Variants in SLC7A2 observed in about 807,000 individuals in gnomAD.
SLC7A2 encodes the protein solute carrier family 7 member 2.
In SLC7A2, 48 loss-of-function variants were observed where a neutral mutation model predicts 58.9. The observed-to-expected ratio is 0.82, with a 90% confidence interval of 0.65 to 1.04. SLC7A2 has a LOEUF of 1.04. SLC7A2 is among the 50% of genes least tolerant of loss of function. The pLI is 0.00. For synonymous variants in SLC7A2, 363 were observed against 314.5 expected (o/e 1.15, Z -1.63); for missense variants, 1,029 against 818.8 (o/e 1.26, Z -3.13).
chr8:17,513,967 C>T (rs1040426893), intron 2 of SLC7A2, among the ~76,000 whole-genome samples: 1 of 152,136 alleles, frequency 6.6e-6, no homozygotes, highest in African/African-American at 2.4e-5. Context: ...ATTCTATATT[C>T]ATGTGTATAA....
chr8:17,501,104 C>T (rs1333098614), intron 1 of SLC7A2, among the ~76,000 whole-genome samples: 6 of 151,964 alleles, frequency 3.9e-5, no homozygotes, highest in Middle Eastern at 6.8e-3. Context: ...ACTTTCACCT[C>T]GTGGGTTCAA....
At chr8:17,548,327 C>T (rs547858958) in intron 4 of SLC7A2, among the ~76,000 whole-genome samples, 7 of 152,092 alleles carry the variant, frequency 4.6e-5, no homozygotes, top group Admixed American at 3.9e-4. Flanking sequence ...GGAAACAGAG[C>T]GAGACTCTGT....
Position 17,554,646 on chromosome 8 carries a change from A to G in SLC7A2, c.1142A>G (p.Asn381Ser), listed in dbSNP as rs943550542. Reference protein sequence around the residue: ...GLLFKCLAQINSKTKTPIIAT... With the variant: ...GLLFKCLAQISSKTKTPIIAT... ...CTTTTCAAATGTCTAGCTCAAATCA[A>G]TTCCAAAACGAAGACACCAATAATT... Residue 381 changes from asparagine (N) to serine (S), a missense_variant, in exon 8 of 13, where the codon AAT becomes AGT. Transcript: ENST00000494857. 19 of 1,613,466 alleles carry G rather than the reference A, an allele frequency of 1.2e-5. No individual in the cohort carries two copies. Among genetic ancestry groups the G allele is most frequent in the Middle Eastern group, 1.6e-4 (1 of 6,080 alleles).
intron 1 of SLC7A2, among the ~76,000 whole-genome samples, chr8:17,501,015 T>A (rs1800138212): frequency 6.6e-6 from 1 of 152,090 alleles, no homozygotes; most frequent in Non-Finnish European, 1.5e-5. Context: ...ATCGACTTTT[T>A]TTTTTTTTTC....
At chr8:17,529,998 A>G (rs1801377653) in intron 2 of SLC7A2, among the ~76,000 whole-genome samples, 1 of 152,166 alleles carries the variant, frequency 6.6e-6, no homozygotes, top group South Asian at 2.1e-4. Context: ...GTCTTGAAGG[A>G]GACCCCATTT....
chr8:17,555,720 G>T (rs555090219), intron 8 of SLC7A2, among the ~76,000 whole-genome samples: 3 of 152,084 alleles, frequency 2.0e-5, no homozygotes, highest in African/African-American at 7.2e-5. Flanking sequence ...CAACAGTTTT[G>T]GTACTTAAAT....
At chr8:17,509,992 G>A (rs897987144) in intron 2 of SLC7A2, among the ~76,000 whole-genome samples, 2 of 152,062 alleles carry the variant, frequency 1.3e-5, no homozygotes, top group Non-Finnish European at 2.9e-5. Context: ...GGCCAAGGCA[G>A]GTGGATCACT....
In SLC7A2 at chr8:17,529,494, C is replaced by T. The variant is rs143716914; in HGVS notation, c.-22-13824C>T. On this transcript the variant is annotated intron_variant, in intron 2 of 12. Coordinates refer to ENST00000494857, the MANE Select transcript of SLC7A2 (RefSeq NM_001370338.1). ...CAAGTGCCATGGGGCTCAGTCTCTA[C>T]GGAGGGACATTTTCTTTGTTTTTGG... Among the ~76,000 whole-genome samples the T allele has an allele frequency of 5.0e-3, 762 of 151,254 alleles. 8 individuals carry two copies. The highest frequency in any genetic ancestry group is 0.017 in the African/African-American group (716 of 41,286).
chr8:17,548,321 A>G (rs1802275884), intron 4 of SLC7A2, among the ~76,000 whole-genome samples: 1 of 152,206 alleles, frequency 6.6e-6, no homozygotes, highest in South Asian at 2.1e-4. Flanking sequence ...TGCCAGGGAA[A>G]CAGAGCGAGA....
chr8:17,547,779 C>G (rs982430595), intron 4 of SLC7A2, among the ~76,000 whole-genome samples: 2 of 111,342 alleles, frequency 1.8e-5, no homozygotes, highest in East Asian at 2.7e-4. Flanking sequence ...TTTACTGGCA[C>G]AAAAGAGTGT....
intron 2 of SLC7A2, among the ~76,000 whole-genome samples, chr8:17,513,345 G>C (rs567271390): frequency 4.0e-5 from 6 of 151,762 alleles, no homozygotes; most frequent in African/African-American, 1.5e-4. Flanking sequence ...TTTTGTAGTA[G>C]TCATCCTAAG....
intron 10 of SLC7A2, among the ~76,000 whole-genome samples, chr8:17,561,074 C>T (rs1802956551): frequency 6.6e-6 from 1 of 152,134 alleles, no homozygotes; most frequent in Admixed American, 6.5e-5. Flanking sequence ...ACAGGCTTCT[C>T]AGAGCAAATA....
intron 11 of SLC7A2, among the ~76,000 whole-genome samples, chr8:17,562,424 C>T (rs939347091): frequency 3.3e-5 from 5 of 151,912 alleles, no homozygotes; most frequent in African/African-American, 4.8e-5. Context: ...AGGATGGTCT[C>T]GAACTCCTGA....
At chr8:17,508,111 T>C (rs1800448620) in intron 2 of SLC7A2, among the ~76,000 whole-genome samples, 1 of 152,092 alleles carries the variant, frequency 6.6e-6, no homozygotes, top group East Asian at 1.9e-4. Flanking sequence ...AAAAAAGCTA[T>C]TTGAATTTTT....
chr8:17,555,302 ACT>A (rs989757886), intron 8 of SLC7A2, among the ~76,000 whole-genome samples: 3 of 151,486 alleles, frequency 2.0e-5, no homozygotes, highest in Non-Finnish European at 4.4e-5. Context: ...TTTTTTTTTT[ACT>A]GTTTTGTTAT....
At chr8:17,563,780 C>G in intron 12 of SLC7A2, 69 bp downstream of exon 12, 1 of 887,518 alleles carries the variant, frequency 1.1e-6, no homozygotes, top group East Asian at 2.5e-5. Flanking sequence ...TGCCCTCTCC[C>G]CCATCCTGGG....
rs372785022 is a variant in SLC7A2 at position 17,525,563 on chromosome 8, GAGGTGC to G, written c.-22-17749_-22-17744del. Among the ~76,000 whole-genome samples, 561 of 152,344 alleles carry G rather than the reference GAGGTGC, an allele frequency of 3.7e-3. 5 individuals carry two copies. The highest frequency in any genetic ancestry group is 0.013 in the African/African-American group (551 of 41,580). ...ACAGTAGGAGTGGCGAGTCCTGAGG[GAGGTGC>G]AGGTGATAATCCGGGAGGATTTGTT... is the stretch of plus-strand genomic sequence containing the variant. On this transcript the variant is annotated intron_variant, in intron 2 of 12. Coordinates refer to ENST00000494857, the MANE Select transcript of SLC7A2 (RefSeq NM_001370338.1).
chr8:17,500,250 A>C (rs1038548019), intron 1 of SLC7A2: 1 of 152,240 alleles, frequency 6.6e-6, no homozygotes, highest in Non-Finnish European at 1.5e-5. Context: ...TGCTCTCTCT[A>C]ATACATGAAG....
chr8:17,544,765 G>A (rs77944239), intron 4 of SLC7A2, among the ~76,000 whole-genome samples, 159 bp downstream of exon 4: 6,978 of 152,184 alleles, frequency 0.046, 296 homozygotes, highest in African/African-American at 0.11. Flanking sequence ...TCACTGGCTG[G>A]AATCACATTT....
Sources: allele counts gnomAD v4.1 joint callset (sites outside exome capture counted in the v4.1 genomes callset), GRCh38; gene constraint gnomAD v4.1.1; transcripts MANE v1.5; gene names NCBI Gene and HGNC (gene_info 2026-07-23, HGNC 2026-07-21).